RBFOX1: variants seen among roughly 807,000 people sequenced by gnomAD.
The protein encoded by RBFOX1 is RNA binding protein fox-1 homolog 1.
RBFOX1 carries 8 observed loss-of-function variants against 57.7 expected under a neutral mutation model. The observed-to-expected ratio is 0.14, with a 90% CI of 0.08 to 0.25. RBFOX1 has a LOEUF of 0.25. Ranked by LOEUF, RBFOX1 falls within the 10% of genes least tolerant of loss-of-function variation. The pLI is 1.00. For missense variants in RBFOX1, 611 were observed against 548.5 expected, an observed-to-expected ratio of 1.11 and a Z score of -1.14; for synonymous variants, 326 against 222.4, an observed-to-expected ratio of 1.47 and a Z score of -4.15.
At chr16:6,903,191 C>G (rs747932580) in intron 3 of RBFOX1, among the ~76,000 whole-genome samples, 3 of 152,098 alleles carry the variant, frequency 2.0e-5, no homozygotes, top group Non-Finnish European at 4.4e-5. Flanking sequence ...CAGCCATATA[C>G]AAAGATCTGG....
chr16:7,398,991 C>T (rs539462529), intron 4 of RBFOX1, among the ~76,000 whole-genome samples: 3 of 152,248 alleles, frequency 2.0e-5, no homozygotes, highest in African/African-American at 7.2e-5. Context: ...AAGGTGTCAA[C>T]GGAAATAGTA....
At chr16:7,279,275 G>A (rs1251710340) in intron 4 of RBFOX1, among the ~76,000 whole-genome samples, 1 of 152,176 alleles carries the variant, frequency 6.6e-6, no homozygotes, top group Non-Finnish European at 1.5e-5. Context: ...CTTGGGCAAA[G>A]TGGTACAGTG....
intron 1 of RBFOX1, among the ~76,000 whole-genome samples, chr16:6,296,517 T>C (rs1005069945): frequency 4.0e-5 from 6 of 151,338 alleles, no homozygotes; most frequent in Non-Finnish European, 7.4e-5. Flanking sequence ...GCCTCCCGGG[T>C]TCAGGCCATT....
At chr16:6,851,007 G>C (rs2141965418) in intron 3 of RBFOX1, among the ~76,000 whole-genome samples, 1 of 152,268 alleles carries the variant, frequency 6.6e-6, no homozygotes, top group East Asian at 1.9e-4. Flanking sequence ...GTTACACTGT[G>C]ATAATCCACA....
At chr16:7,192,382 C>G (rs2085620708) in intron 4 of RBFOX1, among the ~76,000 whole-genome samples, 1 of 152,116 alleles carries the variant, frequency 6.6e-6, no homozygotes, top group African/African-American at 2.4e-5. Context: ...TCTCTGAATC[C>G]TAGTAGTGTT....
intron 5 of RBFOX1, among the ~76,000 whole-genome samples, chr16:7,566,741 G>A (rs7188425): frequency 0.87 from 132,695 of 152,074 alleles, 58,981 homozygotes; most frequent in Non-Finnish European, 0.97. Flanking sequence ...AGTGATAGCC[G>A]GAATCCTTTG....
rs1011294374 is a variant in RBFOX1 at position 6,221,426 on chromosome 16, A to G, written c.-126-95569A>G. On this transcript the variant is annotated intron_variant, in intron 1 of 15. Transcript: ENST00000550418. ...TTTTAACAATTCAGCTGCCCAGATA[A>G]CACTTAGAGAGCCATGAGTAAAAGC... Among the ~76,000 whole-genome samples, 14 of 152,336 alleles carry G rather than the reference A, an allele frequency of 9.2e-5. No homozygotes were observed. The East Asian group carries it at 1.4e-3, about 15-fold the overall frequency.
intron 1 of RBFOX1, among the ~76,000 whole-genome samples, chr16:5,313,700 A>T (rs1402825182): frequency 6.6e-6 from 1 of 152,170 alleles, no homozygotes; most frequent in Non-Finnish European, 1.5e-5. Flanking sequence ...TCCTCTTTTT[A>T]AAACCATCAG....
rs1314598196 is a variant in RBFOX1 at position 7,677,126 on chromosome 16, T to TACACACACACACACACACACACACAC, written c.995+293_995+294insCACACACACACACACACACACACACA. ...TCTGTGACAACGCACCTTGCTCACA[T>TACACACACACACACACACACACACAC]ACACATACACACACACACACACACA... On this transcript the variant is annotated intron_variant, in intron 14 of 15. Transcript: ENST00000550418. Among the ~76,000 whole-genome samples, 128 of 51,220 alleles carry TACACACACACACACACACACACACAC rather than the reference T, an allele frequency of 2.5e-3. 2 individuals carry two copies. Among genetic ancestry groups the TACACACACACACACACACACACACAC allele is most frequent in the Admixed American group, 7.4e-3 (31 of 4,202 alleles). The allele number at this position is 51,220 out of a possible 152,430, so 33.6% of individuals were successfully genotyped here. A position where few individuals can be genotyped will look rare whatever the true frequency, so the allele number is the denominator to read the frequency against.
intron 3 of RBFOX1, among the ~76,000 whole-genome samples, chr16:6,756,741 G>A (rs767688366): frequency 2.6e-5 from 4 of 152,132 alleles, no homozygotes; most frequent in African/African-American, 7.2e-5. Flanking sequence ...GGAGGCTGAG[G>A]CAGGGGGGTC....
At chr16:5,666,450 C>T (rs1466629832) in intron 3 of RBFOX1, among the ~76,000 whole-genome samples, 2 of 152,172 alleles carry the variant, frequency 1.3e-5, no homozygotes, top group Non-Finnish European at 2.9e-5. Context: ...TCACTTTGTT[C>T]CCTGGATCTC....
intron 3 of RBFOX1, among the ~76,000 whole-genome samples, chr16:6,827,984 G>C (rs553086968): frequency 6.6e-6 from 1 of 152,182 alleles, no homozygotes; most frequent in South Asian, 2.1e-4. Flanking sequence ...GACAAATCTT[G>C]TCTGCTTTTT....
At chr16:7,139,133 G>A (rs567019943) in intron 4 of RBFOX1, among the ~76,000 whole-genome samples, 2 of 150,560 alleles carry the variant, frequency 1.3e-5, no homozygotes, top group East Asian at 3.9e-4. Context: ...TCTTACCAGT[G>A]TCTGGACATC....
At position 6,637,176 on chromosome 16, in the gene RBFOX1, T is replaced by A. The variant is rs867962317; in HGVS notation, c.-63-17427T>A. Reference sequence around the variant, plus strand: ...CAATATATATTATATATTATATATATTATATAATATACAATATATATTATA... The same window carrying A: ...CAATATATATTATATATTATATATAATATATAATATACAATATATATTATA... On this transcript the variant is annotated intron_variant, in intron 2 of 15. Transcript: ENST00000550418. Among the ~76,000 whole-genome samples, 441 of 68,352 alleles carry A rather than the reference T, an allele frequency of 6.5e-3. 67 individuals are homozygous for A. Among genetic ancestry groups the A allele is most frequent in the African/African-American group, 0.03 (382 of 12,538 alleles). The allele number at this position is 68,352 out of a possible 152,430, so 44.8% of individuals were successfully genotyped here. A position where few individuals can be genotyped will look rare whatever the true frequency, so the allele number is the denominator to read the frequency against.
intron 3 of RBFOX1, among the ~76,000 whole-genome samples, chr16:5,727,813 G>T (rs542924615): frequency 6.6e-6 from 1 of 152,288 alleles, no homozygotes; most frequent in African/African-American, 2.4e-5. Flanking sequence ...TCAGCCTGCT[G>T]AGTAGCTGGG....
chr16:6,261,552 T>G (rs913167096), intron 1 of RBFOX1, among the ~76,000 whole-genome samples: 3 of 152,232 alleles, frequency 2.0e-5, no homozygotes, highest in Non-Finnish European at 2.9e-5. Flanking sequence ...ATCCTTGTCC[T>G]GGGAATCGAG....
chr16:6,523,405 T>C (rs1446860965), intron 2 of RBFOX1, among the ~76,000 whole-genome samples: 1 of 152,152 alleles, frequency 6.6e-6, no homozygotes, highest in Admixed American at 6.6e-5. Context: ...GTCTATGAAC[T>C]TGGCAATGTT....
At chr16:7,447,418 G>A (rs1259403722) in intron 4 of RBFOX1, among the ~76,000 whole-genome samples, 2 of 131,290 alleles carry the variant, frequency 1.5e-5, no homozygotes, top group African/African-American at 6.0e-5. Context: ...GGCCAACCGA[G>A]TGAGTCTATC....
At chr16:7,101,194 A>G (rs895990439) in intron 4 of RBFOX1, among the ~76,000 whole-genome samples, 1 of 152,190 alleles carries the variant, frequency 6.6e-6, no homozygotes, top group Admixed American at 6.5e-5. Context: ...GAGCTGGCCT[A>G]TGCAGGCCCC....
Sources: gnomAD v4.1 joint callset for allele counts (sites outside exome capture counted in the v4.1 genomes callset) on GRCh38, gnomAD v4.1.1 for gene constraint, MANE v1.5 for transcripts, NCBI Gene and HGNC (gene_info 2026-07-23, HGNC 2026-07-21) for gene names.